The following ADGRL2 variants were observed in gnomAD, a reference collection of about 807,000 sequenced individuals.
ADGRL2 encodes the protein adhesion G protein-coupled receptor L2.
ADGRL2 carries 44 observed loss-of-function variants against 157.4 expected under a neutral mutation model. That is an observed-to-expected ratio of 0.28 (90% CI 0.22 to 0.36). ADGRL2 has a LOEUF of 0.36. ADGRL2 is among the 10% of genes least tolerant of loss of function. The pLI, the probability that ADGRL2 is intolerant of heterozygous loss-of-function variation, is 1.00. For synonymous variants in ADGRL2, 585 were observed against 624.7 expected (o/e 0.94, Z 0.95); for missense variants, 1,510 against 1,768.9 (o/e 0.85, Z 2.63).
At chr1:81,671,717 T>C (rs553913810) in intron 3 of ADGRL2, among the ~76,000 whole-genome samples, 1 of 152,186 alleles carries the variant, frequency 6.6e-6, no homozygotes, top group Non-Finnish European at 1.5e-5. Flanking sequence ...TTCACTGTGT[T>C]GGCCAGGCTG....
chr1:81,705,055 T>G (rs913078100), intron 1 of ADGRL2, among the ~76,000 whole-genome samples: 1 of 152,158 alleles, frequency 6.6e-6, no homozygotes, highest in Non-Finnish European at 1.5e-5. Context: ...TAATTTTATT[T>G]ATTTATTTAT....
intron 3 of ADGRL2, among the ~76,000 whole-genome samples, chr1:81,606,404 A>G (rs758699400): frequency 3.9e-5 from 6 of 152,126 alleles, no homozygotes; most frequent in Non-Finnish European, 8.8e-5. Flanking sequence ...TTTATCAAAG[A>G]TTACAGACAC....
chr1:81,407,617 T>A (rs990895201), intron 1 of ADGRL2, among the ~76,000 whole-genome samples: 24 of 152,252 alleles, frequency 1.6e-4, no homozygotes, highest in African/African-American at 5.5e-4. Context: ...AACACCCAAT[T>A]GTAAACATAG....
At chr1:81,835,008 G>A (rs1191700873) in intron 1 of ADGRL2, among the ~76,000 whole-genome samples, 1 of 151,974 alleles carries the variant, frequency 6.6e-6, no homozygotes, top group Admixed American at 6.6e-5. Flanking sequence ...TTCCTATCTT[G>A]GCAGCTGTTT....
At chr1:81,416,125 C>T (rs1289270562) in intron 1 of ADGRL2, among the ~76,000 whole-genome samples, 1 of 152,126 alleles carries the variant, frequency 6.6e-6, no homozygotes, top group Non-Finnish European at 1.5e-5. Context: ...GCTGGGATTA[C>T]AGGCGTGAGC....
intron 3 of ADGRL2, among the ~76,000 whole-genome samples, chr1:81,675,514 G>T (rs1409735317): frequency 6.6e-6 from 1 of 151,396 alleles, no homozygotes; most frequent in Non-Finnish European, 1.5e-5. Context: ...TATTTTCTGG[G>T]TTTTTGTTAT....
chr1:81,715,624 C>T lies in ADGRL2; in HGVS notation c.-143+15816C>T, dbSNP rs1035869520. Among the ~76,000 whole-genome samples the T allele has an allele frequency of 3.3e-5, 5 of 151,972 alleles. No homozygotes were observed. The East Asian group carries it at 7.8e-4, about 24-fold the overall frequency. On this transcript the variant is annotated intron_variant, in intron 1 of 20. Coordinates refer to the ADGRL2 transcript ENST00000359929. ...GTAAGAGTGTGCTGAGCACTTAATG[C>T]GACATGACGTGCCTGGTACTCCCCA...
At chr1:81,550,267 A>G (rs780468590) in intron 2 of ADGRL2, among the ~76,000 whole-genome samples, 21 of 152,210 alleles carry the variant, frequency 1.4e-4, no homozygotes, top group Non-Finnish European at 8.8e-5. Flanking sequence ...CAATTTGCAA[A>G]GCCTTTTGTA....
chr1:81,826,897 T>C (rs991915670), intron 1 of ADGRL2, among the ~76,000 whole-genome samples: 1 of 152,188 alleles, frequency 6.6e-6, no homozygotes, highest in Non-Finnish European at 1.5e-5. Flanking sequence ...ATATATATAA[T>C]GTTGATAGAA....
intron 2 of ADGRL2, among the ~76,000 whole-genome samples, chr1:81,871,493 C>G (rs1042078427): frequency 2.1e-4 from 32 of 152,106 alleles, no homozygotes; most frequent in Non-Finnish European, 1.5e-5. Flanking sequence ...AGTTCTAGAT[C>G]CTTGAGGAAT....
chr1:81,497,320 A>C (rs2078751840), intron 2 of ADGRL2, among the ~76,000 whole-genome samples: 1 of 152,154 alleles, frequency 6.6e-6, no homozygotes, highest in South Asian at 2.1e-4. Context: ...CTTTGTTTGT[A>C]TATTTAAGAA....
chr1:81,700,454 T>A (rs2083541017), intron 1 of ADGRL2, among the ~76,000 whole-genome samples: 1 of 152,232 alleles, frequency 6.6e-6, no homozygotes, highest in Non-Finnish European at 1.5e-5. Flanking sequence ...AATTATAAGA[T>A]CTTTGTCTCT....
intron 1 of ADGRL2, among the ~76,000 whole-genome samples, chr1:81,325,904 T>C (rs989671651): frequency 1.3e-5 from 2 of 152,058 alleles, no homozygotes; most frequent in Non-Finnish European, 2.9e-5. Context: ...TGATGATTTA[T>C]TCTAGGCCCA....
intron 1 of ADGRL2, among the ~76,000 whole-genome samples, chr1:81,403,438 G>A (rs998886651): frequency 7.2e-5 from 11 of 151,940 alleles, no homozygotes; most frequent in African/African-American, 2.7e-4. Flanking sequence ...GCTAAGTTTT[G>A]TATTTTTATT....
At chr1:81,550,757 A>G (rs771988275) in intron 2 of ADGRL2, among the ~76,000 whole-genome samples, 17 of 152,090 alleles carry the variant, frequency 1.1e-4, no homozygotes, top group Non-Finnish European at 2.4e-4. Context: ...CAGAAAGTAA[A>G]TAGAATTTGT....
At position 81,767,919 on chromosome 1, in the gene ADGRL2, T is replaced by G. The variant is rs971063971; in HGVS notation, c.-101+6067T>G. 9.9e-5 allele frequency among the ~76,000 whole-genome samples: 15 copies of G among 151,698 alleles called. No individual in the cohort carries two copies. The East Asian group carries it at 2.9e-3, about 29-fold the overall frequency. ...TCATGGAGTATGAAAAATTTCAAATTTATTAGATAATTCACAACTATTGTA... is the reference window on the plus strand; with the variant it reads ...TCATGGAGTATGAAAAATTTCAAATGTATTAGATAATTCACAACTATTGTA... On this transcript the variant is annotated intron_variant, in intron 2 of 20. Coordinates refer to the ADGRL2 transcript ENST00000359929.
Position 81,578,870 on chromosome 1 carries a change from T to A in ADGRL2, c.-247-2006T>A, listed in dbSNP as rs552968139. Among the ~76,000 whole-genome samples the A allele has an allele frequency of 1.1e-4, 17 of 152,290 alleles. No individual in the cohort carries two copies. The South Asian group carries it at 2.7e-3, about 24-fold the overall frequency. On this transcript the variant is annotated intron_variant, in intron 2 of 24. Transcript: ENST00000370721. ...AAGCACAAGCATAATTTGGTTTTTT[T>A]AAAAAATATGATTTACATATGGCAC...
Position 81,968,023 on chromosome 1 carries a change from C to T in ADGRL2, c.2350-3C>T. Reference sequence around the variant, plus strand: ...AATTTTATCTTGTCATTTTATTTCCCAGCCTGACAATTATTTCAATGCAAA... The same window carrying T: ...AATTTTATCTTGTCATTTTATTTCCTAGCCTGACAATTATTTCAATGCAAA... On this transcript the variant is annotated splice_polypyrimidine_tract_variant and splice_region_variant and intron_variant, in intron 13 of 23. Coordinates refer to ENST00000686636, the MANE Select transcript of ADGRL2 (RefSeq NM_001366006.2). 6.2e-7 allele frequency: 1 copy of T among 1,611,438 alleles called. No homozygotes were observed. The highest frequency in any genetic ancestry group is 1.7e-5 in the Admixed American group (1 of 59,888).
chr1:81,669,022 T>C (rs936392849), intron 3 of ADGRL2, among the ~76,000 whole-genome samples: 1 of 152,184 alleles, frequency 6.6e-6, no homozygotes, highest in African/African-American at 2.4e-5. Flanking sequence ...TTCTGTCTTC[T>C]TGCTCTAAGA....
Sources: gnomAD v4.1 joint callset for allele counts (sites outside exome capture counted in the v4.1 genomes callset) on GRCh38, gnomAD v4.1.1 for gene constraint, MANE v1.5 for transcripts, NCBI Gene and HGNC (gene_info 2026-07-23, HGNC 2026-07-21) for gene names.